Variants in RAPGEF6 observed in about 807,000 individuals in gnomAD.
RAPGEF6 encodes PDZ domain containing guanine nucleotide exchange factor (GEF) 2.
A neutral mutation model predicts 171.4 loss-of-function variants in RAPGEF6; 56 were observed. The ratio of observed to expected loss-of-function variants is 0.33; its 90% CI spans 0.26 to 0.41. RAPGEF6 has a LOEUF of 0.41. RAPGEF6 is among the 10% of genes least tolerant of loss of function. The probability of loss-of-function intolerance (pLI) is 1.00; values close to 1 mark genes in which losing one functional copy is unlikely to be tolerated. For synonymous variants in RAPGEF6, 692 were observed against 650.1 expected, an observed-to-expected ratio of 1.06 and a Z score of -0.98; for missense variants, 1,674 against 1,921.4, an observed-to-expected ratio of 0.87 and a Z score of 2.41.
At chr5:131,480,518 G>A (rs1408182650) in intron 15 of RAPGEF6, among the ~76,000 whole-genome samples, 6 of 152,062 alleles carry the variant, frequency 3.9e-5, no homozygotes, top group South Asian at 2.1e-4. Flanking sequence ...TCACTCTGTC[G>A]CCCAGGCTGG....
At chr5:131,494,438 T>C (rs1401114824) in intron 13 of RAPGEF6, among the ~76,000 whole-genome samples, 1 of 152,170 alleles carries the variant, frequency 6.6e-6, no homozygotes, top group Non-Finnish European at 1.5e-5. Flanking sequence ...AAAGGAAACC[T>C]AGAAAGTCAA....
intron 19 of RAPGEF6, among the ~76,000 whole-genome samples, chr5:131,457,548 G>T (rs1753601233): frequency 6.6e-6 from 1 of 152,192 alleles, no homozygotes; most frequent in Non-Finnish European, 1.5e-5. Flanking sequence ...CTGCTACCGT[G>T]GAATACTGCT....
chr5:131,519,401 T>C (rs1468892410), intron 7 of RAPGEF6, among the ~76,000 whole-genome samples: 3 of 152,146 alleles, frequency 2.0e-5, no homozygotes, highest in Non-Finnish European at 4.4e-5. Context: ...ATAGTTTTTC[T>C]TGTCTTTTCT....
chr5:131,523,388 G>C (rs1758641558), intron 6 of RAPGEF6, among the ~76,000 whole-genome samples: 1 of 145,788 alleles, frequency 6.9e-6, no homozygotes. Context: ...AATTGGTCCA[G>C]TTAGTGATCT....
At chr5:131,556,073 ATTT>A (rs1366006242) in intron 5 of RAPGEF6, among the ~76,000 whole-genome samples, 209 of 152,340 alleles carry the variant, frequency 1.4e-3, no homozygotes, top group African/African-American at 4.8e-3. Flanking sequence ...CAGTATTATA[ATTT>A]TATGGAACCA....
At chr5:131,501,731 CAA>C (rs1459304590) in intron 11 of RAPGEF6, among the ~76,000 whole-genome samples, 8 of 151,830 alleles carry the variant, frequency 5.3e-5, no homozygotes, top group African/African-American at 1.9e-4. Context: ...CAGAGTATAA[CAA>C]GAGGCATTGT....
chr5:131,513,810 C>T (rs1170830026), intron 7 of RAPGEF6, among the ~76,000 whole-genome samples: 2 of 152,140 alleles, frequency 1.3e-5, no homozygotes, highest in Non-Finnish European at 2.9e-5. Context: ...GAGTTTGAGG[C>T]CAGCCTGGGC....
At chr5:131,469,218 C>T (rs1389904965) in intron 17 of RAPGEF6, among the ~76,000 whole-genome samples, 1 of 152,092 alleles carries the variant, frequency 6.6e-6, no homozygotes, top group Non-Finnish European at 1.5e-5. Context: ...ACAGCAGACA[C>T]ATTTTATGTG....
chr5:131,469,840 A>C, intron 17 of RAPGEF6: 1 of 1,518,024 alleles, frequency 6.6e-7, no homozygotes, highest in Non-Finnish European at 8.8e-7. Context: ...AATAAAGCAA[A>C]ATCAAAGTAA....
intron 1 of RAPGEF6, among the ~76,000 whole-genome samples, chr5:131,605,894 G>A (rs1349668967): frequency 1.3e-5 from 2 of 151,870 alleles, no homozygotes; most frequent in Admixed American, 6.6e-5. Flanking sequence ...GCCGGGTATG[G>A]TGGCAGGTGC....
At chr5:131,484,170 A>T (rs1445970882) in intron 15 of RAPGEF6, among the ~76,000 whole-genome samples, 1 of 149,470 alleles carries the variant, frequency 6.7e-6, no homozygotes, top group Non-Finnish European at 1.5e-5. Context: ...CTTACTTGTT[A>T]TTAAATAATG....
In RAPGEF6 at chr5:131,462,011, T is replaced by C; in HGVS notation, c.2558A>G (p.Gln853Arg). The C allele has an allele frequency of 1.2e-6, 2 of 1,613,940 alleles. No homozygotes were observed. Among genetic ancestry groups the C allele is most frequent in the Non-Finnish European group, 1.7e-6 (2 of 1,179,876 alleles). Residue 853 changes from glutamine to arginine, a missense_variant, in exon 19 of 28, where the codon CAG becomes CGG. Physicochemically the swap from Gln to Arg is conservative, Grantham distance 43. This residue lies in a region of RAPGEF6 where 1,116 missense variants were observed against 1,321.5 expected (regional missense o/e 0.84). Transcript: ENST00000509018. ...GGTACTGAGCTGCAGCATGGATAGC[T>C]GGCTTTCCTTAACTAGTTCTTGAGC... ...EDAQELVKES[Q>R]LSMLQLSTIE... is the part of the protein sequence containing the mutation.
chr5:131,452,974 G>A, intron 21 of RAPGEF6, 80 bp downstream of exon 21: 1 of 1,488,692 alleles, frequency 6.7e-7, no homozygotes, highest in Non-Finnish European at 9.0e-7. Flanking sequence ...GAATAAATAT[G>A]ATCAATAAAT....
intron 1 of RAPGEF6, among the ~76,000 whole-genome samples, chr5:131,618,751 G>C (rs921223249): frequency 6.6e-6 from 1 of 152,292 alleles, no homozygotes; most frequent in Admixed American, 6.5e-5. Context: ...TGGAGAACAC[G>C]ACATTCACAC....
At chr5:131,624,142 G>A (rs1008297094) in intron 1 of RAPGEF6, among the ~76,000 whole-genome samples, 6 of 152,158 alleles carry the variant, frequency 3.9e-5, no homozygotes, top group Admixed American at 3.3e-4. Flanking sequence ...TTATTATCAA[G>A]ATACTTTGCT....
chr5:131,482,004 A>T (rs1451552004), intron 15 of RAPGEF6, among the ~76,000 whole-genome samples: 1 of 152,250 alleles, frequency 6.6e-6, no homozygotes, highest in Admixed American at 6.5e-5. Flanking sequence ...TACAAGTAAG[A>T]TAGAAATGGA....
chr5:131,540,802 GATGTTTCATGTTTA>G (rs1296680153), intron 6 of RAPGEF6, among the ~76,000 whole-genome samples: 1 of 152,202 alleles, frequency 6.6e-6, no homozygotes, highest in African/African-American at 2.4e-5. Context: ...GTGAAACCAA[GATGTTTCATGTTTA>G]TTGGTCCTGG....
chr5:131,528,643 A>G (rs1164295053), intron 6 of RAPGEF6, among the ~76,000 whole-genome samples: 1 of 152,134 alleles, frequency 6.6e-6, no homozygotes, highest in Non-Finnish European at 1.5e-5. Context: ...GCTTTCAATC[A>G]ATATTCATTT....
At chr5:131,497,988 T>C (rs1397171954) in intron 12 of RAPGEF6, among the ~76,000 whole-genome samples, 4 of 152,190 alleles carry the variant, frequency 2.6e-5, no homozygotes, top group Non-Finnish European at 5.9e-5. Context: ...GTTTGATAAA[T>C]TGTTTTCAAA....
Sources: gnomAD v4.1 joint callset for allele counts (sites outside exome capture counted in the v4.1 genomes callset) on GRCh38, gnomAD v4.1.1 for gene constraint, gnomAD v4.1.1 regional missense constraint, MANE v1.5 for transcripts, NCBI Gene and HGNC (gene_info 2026-07-23, HGNC 2026-07-21) for gene names.